Variants in MAN1C1 observed in about 807,000 individuals in gnomAD.
MAN1C1 encodes the protein mannosidase alpha class 1C member 1.
MAN1C1 carries 49 observed loss-of-function variants against 71.5 expected under a neutral mutation model. The ratio of observed to expected loss-of-function variants is 0.69; its 90% CI spans 0.54 to 0.87. The LOEUF (loss-of-function observed/expected upper bound fraction) is 0.87. MAN1C1 is among the 40% of genes least tolerant of loss of function. The probability of loss-of-function intolerance (pLI) is 0.00; values close to 1 mark genes in which losing one functional copy is unlikely to be tolerated. For synonymous variants in MAN1C1, 352 were observed against 343.7 expected (o/e 1.02, Z -0.27); for missense variants, 743 against 835.0 (o/e 0.89, Z 1.36).
At position 25,753,714 on chromosome 1, in the gene MAN1C1, C is replaced by T. The variant is rs1468245573; in HGVS notation, c.929+136C>T. The T allele has an allele frequency of 6.0e-6, 4 of 662,208 alleles. No individual in the cohort carries two copies. The highest frequency in any genetic ancestry group is 1.0e-5 in the Non-Finnish European group (4 of 384,818). The allele number at this position is 662,208 out of a possible 1,614,324, so 41.0% of individuals were successfully genotyped here. On this transcript the variant is annotated intron_variant, in intron 5 of 11. Transcript: ENST00000374332. The surrounding 1 kb of genome is among the most constrained non-coding windows in gnomAD (Gnocchi z 4.9). ...CAGGAGGGGGGACCCTTGGGACCAC[C>T]TCTGTTGAACCCGTTCTTTTATGAT... is the stretch of plus-strand genomic sequence containing the variant.
At chr1:25,742,911 C>G (rs1044299692) in intron 2 of MAN1C1, among the ~76,000 whole-genome samples, 6 of 152,224 alleles carry the variant, frequency 3.9e-5, no homozygotes, top group African/African-American at 1.4e-4. Flanking sequence ...CTTCCTCACT[C>G]CCTGGCCAGG....
chr1:25,643,705 C>T (rs879109899), intron 1 of MAN1C1, among the ~76,000 whole-genome samples: 1 of 151,624 alleles, frequency 6.6e-6, no homozygotes, highest in Non-Finnish European at 1.5e-5. Context: ...CGGGGTTTCT[C>T]CATGTTGGCC....
chr1:25,753,489 C>G lies in MAN1C1; in HGVS notation c.840C>G (p.Phe280Leu). ...TTTGATCCCCTCCTTTACAGGTGTT[C>G]CGAATAAAGGCCATCAGGCTGGGAG... Reference protein sequence around the residue: ...SAFYLTGEEVFRIKAIRLGEK... With the variant: ...SAFYLTGEEVLRIKAIRLGEK... The change falls in exon 5 of 12, where the codon TTC becomes TTG. Residue 280 changes from phenylalanine (F) to leucine (L), a missense_variant. Transcript: ENST00000374332. The surrounding 1 kb of genome is among the most constrained non-coding windows in gnomAD (Gnocchi z 4.9). The G allele has an allele frequency of 6.2e-7, 1 of 1,612,978 alleles. No individual in the cohort carries two copies. The highest frequency in any genetic ancestry group is 2.2e-5 in the East Asian group (1 of 44,826).
At position 25,617,786 on chromosome 1, in the gene MAN1C1, G is replaced by C. The variant is rs762913300; in HGVS notation, c.-12G>C. 6.3e-7 allele frequency: 1 copy of C among 1,579,088 alleles called. No homozygotes were observed. The highest frequency in any genetic ancestry group is 8.6e-7 in the Non-Finnish European group (1 of 1,166,682). On this transcript the variant is annotated 5_prime_UTR_variant, in exon 1 of 12. Coordinates refer to ENST00000374332, the MANE Select transcript of MAN1C1 (RefSeq NM_020379.4). The surrounding 1 kb of genome is among the most constrained non-coding windows in gnomAD (Gnocchi z 5.1). ...GACTCCGAGGGCTTCTGGAGCCACC[G>C]GCCGGGCCACGATGCTCATGAGGAA... is the stretch of plus-strand genomic sequence containing the variant.
intron 2 of MAN1C1, among the ~76,000 whole-genome samples, chr1:25,729,142 C>G (rs2124295940): frequency 6.6e-6 from 1 of 152,356 alleles, no homozygotes; most frequent in South Asian, 2.1e-4. Context: ...CATTTGAAGT[C>G]TTTCCCAGGA....
intron 2 of MAN1C1, among the ~76,000 whole-genome samples, chr1:25,706,112 C>T (rs530958448): frequency 2.8e-4 from 42 of 152,260 alleles, no homozygotes; most frequent in African/African-American, 9.6e-4. Context: ...TCTCTGACCC[C>T]AGAAGCTTCT....
At chr1:25,632,865 A>ATTTTT (rs33924292) in intron 1 of MAN1C1, among the ~76,000 whole-genome samples, 1 of 113,100 alleles carries the variant, frequency 8.8e-6, no homozygotes, top group African/African-American at 3.6e-5. Context: ...TACAATTTTG[A>ATTTTT]TTTTTTTTTT....
chr1:25,773,308 T>C (rs2047578519), intron 8 of MAN1C1, among the ~76,000 whole-genome samples: 1 of 152,194 alleles, frequency 6.6e-6, no homozygotes, highest in Admixed American at 6.5e-5. Flanking sequence ...GATGGATGGA[T>C]AGATGGTCTG....
rs1035825874 is a variant in MAN1C1 at position 25,764,613 on chromosome 1, T to C, written c.1141+646T>C. On this transcript the variant is annotated intron_variant, in intron 7 of 11. Coordinates refer to ENST00000374332, the MANE Select transcript of MAN1C1 (RefSeq NM_020379.4). This position sits in a 1 kb window ranked among gnomAD's most constrained non-coding sequence, Gnocchi z 4.4. ...TATTTTTAGTAGAGATGGGGTTTAG[T>C]AGAGATGTTGGCCAAGCTGGTCTCG... Among the ~76,000 whole-genome samples the C allele has an allele frequency of 4.0e-5, 6 of 151,704 alleles. No individual in the cohort carries two copies. The highest frequency in any genetic ancestry group is 6.6e-5 in the Admixed American group (1 of 15,222).
At chr1:25,762,522 G>A (rs1374212673) in intron 6 of MAN1C1, among the ~76,000 whole-genome samples, 1 of 151,464 alleles carries the variant, frequency 6.6e-6, no homozygotes, top group South Asian at 2.1e-4. Flanking sequence ...CTACCTTCAG[G>A]TTCAAGCAGT....
intron 2 of MAN1C1, among the ~76,000 whole-genome samples, chr1:25,695,614 G>A (rs1046673402): frequency 1.3e-5 from 2 of 152,068 alleles, no homozygotes; most frequent in African/African-American, 4.8e-5. Context: ...ACCACTCACC[G>A]CTCCACACTC....
chr1:25,625,824 GA>G (rs924594212), intron 1 of MAN1C1, among the ~76,000 whole-genome samples: 37 of 150,996 alleles, frequency 2.5e-4, no homozygotes, highest in African/African-American at 8.8e-4. Context: ...CTGTCTCAAA[GA>G]AAAAAAAAGT....
At chr1:25,708,881 T>G (rs982192099) in intron 2 of MAN1C1, among the ~76,000 whole-genome samples, 1 of 150,580 alleles carries the variant, frequency 6.6e-6, no homozygotes, top group African/African-American at 2.4e-5. Context: ...CGAAACGCTG[T>G]CAAAAGAAGA....
Position 25,769,568 on chromosome 1 carries a change from G to A in MAN1C1, c.1142-2089G>A, listed in dbSNP as rs542412296. On this transcript the variant is annotated intron_variant, in intron 7 of 11. Coordinates refer to ENST00000374332, the MANE Select transcript of MAN1C1 (RefSeq NM_020379.4). The surrounding 1 kb of genome is among the most constrained non-coding windows in gnomAD (Gnocchi z 4.8). ...CTTGTCACGCACACACTCCACCACC[G>A]CGTGATTGTGGCTAAACTCCTTGGC... Among the ~76,000 whole-genome samples the A allele has an allele frequency of 1.4e-4, 21 of 152,102 alleles. No homozygotes were observed. Among genetic ancestry groups the A allele is most frequent in the Non-Finnish European group, 2.5e-4 (17 of 68,016 alleles).
intron 2 of MAN1C1, among the ~76,000 whole-genome samples, chr1:25,699,535 C>G (rs1557770760): frequency 6.6e-6 from 1 of 152,110 alleles, no homozygotes; most frequent in Non-Finnish European, 1.5e-5. Flanking sequence ...CCTCCCCACT[C>G]TAGGTCCCAA....
In MAN1C1 at chr1:25,719,394, CTTTTATTT is replaced by C. The variant is rs201659086; in HGVS notation, c.638-27273_638-27266del. On this transcript the variant is annotated intron_variant, in intron 2 of 11. Transcript: ENST00000374332. ...AGCCCCAATACTTATTATTTTTTAT[CTTTTATTT>C]ATTTATTTATTTATTTATTTATTTA... Among the ~76,000 whole-genome samples, 464 of 142,946 alleles carry C rather than the reference CTTTTATTT, an allele frequency of 3.2e-3. 7 individuals are homozygous for C. The highest frequency in any genetic ancestry group is 0.014 in the Middle Eastern group (4 of 276). The allele number at this position is 142,946 out of a possible 152,430, so 93.8% of individuals were successfully genotyped here.
intron 1 of MAN1C1, among the ~76,000 whole-genome samples, chr1:25,655,307 AG>A (rs1482740216): frequency 4.6e-5 from 7 of 152,188 alleles, no homozygotes; most frequent in Non-Finnish European, 7.4e-5. Flanking sequence ...CGTGGATCTC[AG>A]GGAGGGAACC....
intron 4 of MAN1C1, among the ~76,000 whole-genome samples, chr1:25,751,776 G>T (rs1478081724): frequency 2.0e-5 from 3 of 152,176 alleles, no homozygotes; most frequent in African/African-American, 7.2e-5. Context: ...GCAGTAACTG[G>T]CTCCGGGTCG....
chr1:25,671,965 G>T (rs1459575769), intron 1 of MAN1C1, among the ~76,000 whole-genome samples: 1 of 152,226 alleles, frequency 6.6e-6, no homozygotes, highest in Non-Finnish European at 1.5e-5. Flanking sequence ...GATTATGGAG[G>T]CTGGGAAGTT....
Sources: gnomAD v4.1 joint callset for allele counts (sites outside exome capture counted in the v4.1 genomes callset) on GRCh38, gnomAD v4.1.1 for gene constraint, Gnocchi (gnomAD v3.1) non-coding constraint, MANE v1.5 for transcripts, NCBI Gene and HGNC (gene_info 2026-07-23, HGNC 2026-07-21) for gene names.